Variants in NUDT17 observed in about 807,000 individuals in gnomAD.
The protein encoded by NUDT17 is nudix hydrolase 17, also known as m7GpppN-mRNA hydrolase NUDT17.
In NUDT17, 38 loss-of-function variants were observed where a neutral mutation model predicts 38.6. The ratio of observed to expected loss-of-function variants is 0.98; its 90% CI spans 0.76 to 1.29. The LOEUF is 1.29. NUDT17 is among the 50% of genes most tolerant of loss of function. The probability of loss-of-function intolerance (pLI) is 0.00; values close to 1 mark genes in which losing one functional copy is unlikely to be tolerated. For missense variants in NUDT17, 462 were observed against 415.2 expected, an observed-to-expected ratio of 1.11 and a Z score of -0.98; for synonymous variants, 192 against 167.8, an observed-to-expected ratio of 1.14 and a Z score of -1.11.
At chr1:145,846,918 G>A (rs1367612833) in intron 4 of NUDT17, among the ~76,000 whole-genome samples, 2 of 152,246 alleles carry the variant, frequency 1.3e-5, no homozygotes, top group African/African-American at 2.4e-5. Context: ...AGGGCCGGGT[G>A]CGGTGGCTCA....
chr1:145,848,007 C>G, intron 6 of NUDT17, 105 bp from the exon 7 acceptor site: 1 of 1,356,902 alleles, frequency 7.4e-7, no homozygotes, highest in Non-Finnish European at 1.0e-6. Flanking sequence ...GAGGTCAACA[C>G]CCACCCACCT....
chr1:145,846,177 C>T lies in NUDT17; in HGVS notation c.357C>T (p.Pro119=). The part of the protein sequence containing the change: ...TRRARTLSVS[P]NLWVPPGGHV... ...GGGCACGCACCCTGAGCGTTTCCCC[C>T]AACCTCTGGGTACCCCCGGGTGAGT... Residue 119 remains proline, a synonymous_variant, in exon 2 of 8, where the codon CCC becomes CCT. Transcript: ENST00000334513. 6.3e-7 allele frequency: 1 copy of T among 1,591,284 alleles called. No homozygotes were observed. Among genetic ancestry groups the T allele is most frequent in the South Asian group, 1.1e-5 (1 of 87,708 alleles).
intron 4 of NUDT17, among the ~76,000 whole-genome samples, 189 bp from the exon 5 acceptor site, chr1:145,847,061 G>A (rs1652730165): frequency 6.6e-6 from 1 of 152,194 alleles, no homozygotes; most frequent in Non-Finnish European, 1.5e-5. Context: ...GGGCGTGGCG[G>A]CAGGCGCCTG....
In NUDT17 at chr1:145,848,554, T is replaced by C; in HGVS notation, c.*75T>C. On this transcript the variant is annotated 3_prime_UTR_variant, in exon 8 of 8. Transcript: ENST00000334513. ...CACAACCTTTATTATGGGTGAGAGC[T>C]TCACTACAACTTTAGAAATAAAAAG... 9.9e-7 allele frequency: 1 copy of C among 1,005,944 alleles called. No individual in the cohort carries two copies. The highest frequency in any genetic ancestry group is 1.4e-5 in the South Asian group (1 of 69,434). 62.3% of individuals were successfully genotyped at this position (1,005,944 alleles called of 1,614,324 possible).
intron 4 of NUDT17, 126 bp downstream of exon 4, chr1:145,846,816 T>A: frequency 1.4e-6 from 1 of 740,546 alleles, no homozygotes; most frequent in Non-Finnish European, 2.5e-6. Flanking sequence ...ATGTCCCTGC[T>A]GTGTCATCTG....
chr1:145,846,467 T>C lies in NUDT17; in HGVS notation c.402+9T>C. 1.2e-6 allele frequency: 2 copies of C among 1,612,962 alleles called. No individual in the cohort carries two copies. Among genetic ancestry groups the C allele is most frequent in the Non-Finnish European group, 1.7e-6 (2 of 1,179,122 alleles). ...TGGAACTTGAGGAGGAGGTAACCAG[T>C]CAGCTGATCCAACCTGAGCCAAGAG... On this transcript the variant is annotated intron_variant, in intron 3 of 7. Coordinates refer to ENST00000334513, the MANE Select transcript of NUDT17 (RefSeq NM_001012758.3).
rs372456821 is a variant in NUDT17 at position 145,848,457 on chromosome 1, C to A, written c.965C>A (p.Pro322Gln). The change falls in exon 8 of 8, where the codon CCA becomes CAA. Residue 322 changes from proline (P) to glutamine (Q), a missense_variant. Pro to Gln is a moderately conservative substitution (Grantham distance 76, BLOSUM62 -1). Transcript: ENST00000334513. ...KEEWNMDPLP[P>Q]NQGSGK ...GAATGGAACATGGACCCTCTTCCCC[C>A]AAACCAGGGGTCTGGAAAGTGAAGT... The A allele has an allele frequency of 1.2e-6, 2 of 1,613,734 alleles. No individual in the cohort carries two copies. The highest frequency in any genetic ancestry group is 4.5e-5 in the East Asian group (2 of 44,882).
chr1:145,848,075 A>G (rs782211983), intron 6 of NUDT17, 37 bp from the exon 7 acceptor site: 10 of 1,611,502 alleles, frequency 6.2e-6, no homozygotes, highest in Admixed American at 5.0e-5. Flanking sequence ...TTTGTAAGCT[A>G]CAAGGCACAG....
At position 145,848,146 on chromosome 1, in the gene NUDT17, C is replaced by T; in HGVS notation, c.766C>T (p.Pro256Ser). 1 of 1,614,056 alleles carries T rather than the reference C, an allele frequency of 6.2e-7. No homozygotes were observed. The highest frequency in any genetic ancestry group is 8.5e-7 in the Non-Finnish European group (1 of 1,179,966). ...ACTAGAGGAGGATGGAAGAGCCCGA[C>T]CTCTGGTCCTGCACATGTCCACCCT... ...VELEEDGRAR[P>S]LVLHMSTLLR... Residue 256 changes from proline to serine, a missense_variant, in exon 7 of 8, where the codon CCT becomes TCT. By Grantham distance (74) the Pro-to-Ser change is moderately conservative. Coordinates refer to ENST00000334513, the MANE Select transcript of NUDT17 (RefSeq NM_001012758.3).
At position 145,847,817 on chromosome 1, in the gene NUDT17, G is replaced by A; in HGVS notation, c.731+98G>A. 1.7e-5 allele frequency: 22 copies of A among 1,328,606 alleles called. 1 individual carries two copies. The South Asian group carries it at 2.6e-4, about 16-fold the overall frequency. 82.3% of individuals were successfully genotyped at this position (1,328,606 alleles called of 1,614,324 possible). A position where few individuals can be genotyped will look rare whatever the true frequency, so the allele number is the denominator to read the frequency against. On this transcript the variant is annotated intron_variant, in intron 6 of 7. Transcript: ENST00000334513. ...TCCTCAGGATGGAATTTTGTGTTGT[G>A]GGGGAGATTTAAGGAGAGTGGGTCA...
rs781865351 is a variant in NUDT17 at position 145,847,270 on chromosome 1, G to A, written c.516G>A (p.Leu172=). The A allele has an allele frequency of 1.9e-6, 3 of 1,608,094 alleles. No individual in the cohort carries two copies. Among genetic ancestry groups the A allele is most frequent in the East Asian group, 2.2e-5 (1 of 44,846 alleles). The change falls in exon 5 of 8, where the codon CTG becomes CTA. Residue 172 remains leucine (L), a synonymous_variant. Coordinates refer to ENST00000334513, the MANE Select transcript of NUDT17 (RefSeq NM_001012758.3). ...CCTAGTCTGCCTACCCTCCTAGGCT[G>A]AGCTGGGGTTTACCCAAATACCATC... ...GLWESAYPPR[L]SWGLPKYHHI...
chr1:145,846,921 G>A lies in NUDT17; in HGVS notation c.495+231G>A, dbSNP rs917842405. 5.9e-5 allele frequency among the ~76,000 whole-genome samples: 9 copies of A among 152,250 alleles called. 1 individual carries two copies. Among genetic ancestry groups the A allele is most frequent in the African/African-American group, 2.2e-4 (9 of 41,472 alleles). On this transcript the variant is annotated intron_variant, in intron 4 of 7. Coordinates refer to ENST00000334513, the MANE Select transcript of NUDT17 (RefSeq NM_001012758.3). The stretch of plus-strand genomic sequence containing the variant: ...AAAGTGACACAAAGGGCCGGGTGCG[G>A]TGGCTCACGCCTGTAATCCCAACAC...
chr1:145,847,863 A>G (rs954672493), intron 6 of NUDT17, 144 bp downstream of exon 6: 3 of 896,170 alleles, frequency 3.3e-6, no homozygotes, highest in Non-Finnish European at 5.2e-6. Context: ...AAGAAGGTAC[A>G]TGAAATCTAA....
In NUDT17 at chr1:145,848,635, G is replaced by A. The variant is rs1253251866; in HGVS notation, c.*156G>A. The A allele has an allele frequency of 4.8e-6, 3 of 619,510 alleles. No individual in the cohort carries two copies. The Admixed American group carries it at 9.0e-5, about 19-fold the overall frequency. The allele number at this position is 619,510 out of a possible 1,614,324, so 38.4% of individuals were successfully genotyped here. ...CGAGCCTGAAAAAGAAGATTGGGAA[G>A]GAGGGCACAGGGTCCTTCCACCTCC... On this transcript the variant is annotated 3_prime_UTR_variant, in exon 8 of 8. Coordinates refer to ENST00000334513, the MANE Select transcript of NUDT17 (RefSeq NM_001012758.3).
chr1:145,847,419 G>T, intron 5 of NUDT17, 71 bp downstream of exon 5: 1 of 1,371,318 alleles, frequency 7.3e-7, no homozygotes, highest in South Asian at 1.2e-5. Flanking sequence ...ACTGTGATTA[G>T]GAGCTGGGCG....
rs887736779 is a variant in NUDT17, at chr1:145,846,181, C to T, written c.361C>T (p.Leu121Phe). 5 of 1,589,514 alleles carry T rather than the reference C, an allele frequency of 3.1e-6. No individual in the cohort carries two copies. In the Admixed American group the frequency reaches 8.9e-5, roughly 28 times the overall value. ...ACGCACCCTGAGCGTTTCCCCCAAC[C>T]TCTGGGTACCCCCGGGTGAGTATTC... ...RARTLSVSPNLWVPPGGHVEL... is the reference protein window; with the variant it reads ...RARTLSVSPNFWVPPGGHVEL... The change falls in exon 2 of 8, where the codon CTC (leucine) becomes TTC (phenylalanine). Residue 121 changes from leucine to phenylalanine, a missense_variant. By Grantham distance (22) the Leu-to-Phe change is conservative (BLOSUM62 0). Coordinates refer to ENST00000334513, the MANE Select transcript of NUDT17 (RefSeq NM_001012758.3).
intron 2 of NUDT17, 90 bp downstream of exon 2, chr1:145,846,286 G>A (rs1157332112): frequency 2.0e-6 from 3 of 1,479,902 alleles, no homozygotes; most frequent in Admixed American, 3.8e-5. Context: ...GAAGGATAAA[G>A]TGGGCCCCAA....
At chr1:145,847,531 C>T (rs1553732881) in intron 5 of NUDT17, 52 bp from the exon 6 acceptor site, 1 of 1,602,960 alleles carries the variant, frequency 6.2e-7, no homozygotes, top group East Asian at 2.2e-5. Context: ...TGATCACGAA[C>T]AGGCAGCCCA....
rs782798782 is a variant in NUDT17 at position 145,847,721 on chromosome 1, T to TA, written c.731+4dup. 71 of 1,613,766 alleles carry TA rather than the reference T, an allele frequency of 4.4e-5. No individual in the cohort carries two copies. The highest frequency in any genetic ancestry group is 6.7e-5 in the Admixed American group (4 of 59,996). On this transcript the variant is annotated splice_region_variant and intron_variant, in intron 6 of 7. Coordinates refer to ENST00000334513, the MANE Select transcript of NUDT17 (RefSeq NM_001012758.3). ...CCAGGACCTACCACCCTCTGTCCTG[T>TA]AAGTAAGAGCTTCTCCCTCAGCCTC...
Sources: gnomAD v4.1 joint callset for allele counts (sites outside exome capture counted in the v4.1 genomes callset) on GRCh38, gnomAD v4.1.1 for gene constraint, MANE v1.5 for transcripts, NCBI Gene and HGNC (gene_info 2026-07-23, HGNC 2026-07-21) for gene names.